The following SENP5 variants were observed in gnomAD, a reference collection of about 807,000 sequenced individuals.
SENP5 encodes sentrin-specific protease 5.
Under a neutral mutation model 74.2 loss-of-function variants are expected in SENP5, and 21 were observed. That is an observed-to-expected ratio of 0.28 (90% CI 0.20 to 0.41). SENP5 has a LOEUF of 0.41. SENP5 is among the 10% of genes least tolerant of loss of function. SENP5 has a pLI of 1.00. For missense variants in SENP5, 717 were observed against 889.1 expected (o/e 0.81, Z 2.46); for synonymous variants, 311 against 312.7 (o/e 0.99, Z 0.06).
At chr3:196,875,545 T>G (rs536566333) in intron 1 of SENP5, among the ~76,000 whole-genome samples, 17 of 152,328 alleles carry the variant, frequency 1.1e-4, no homozygotes, top group Non-Finnish European at 2.4e-4. Flanking sequence ...TAAGTGTTAC[T>G]GAAGTTCTTT....
Position 196,885,460 on chromosome 3 carries a change from C to A in SENP5, c.279C>A (p.Ser93=), listed in dbSNP as rs1389471541. 1 of 1,614,126 alleles carries A rather than the reference C, an allele frequency of 6.2e-7. No individual in the cohort carries two copies. Among genetic ancestry groups the A allele is most frequent in the South Asian group, 1.1e-5 (1 of 91,080 alleles). ...CTACTCAAAATGTTAGTACTTTGTCCTCTAAAGTGAAAAGAAAGGACGCTA... is the reference window on the plus strand; with the variant it reads ...CTACTCAAAATGTTAGTACTTTGTCATCTAAAGTGAAAAGAAAGGACGCTA... ...NVATQNVSTL[S]SKVKRKDAKH... The change falls in exon 2 of 10, where the codon TCC becomes TCA. Residue 93 remains serine (S), a synonymous_variant. Coordinates refer to ENST00000323460, the MANE Select transcript of SENP5 (RefSeq NM_152699.5).
At chr3:196,881,855 A>G (rs558682874) in intron 1 of SENP5, among the ~76,000 whole-genome samples, 7 of 147,810 alleles carry the variant, frequency 4.7e-5, no homozygotes, top group African/African-American at 1.0e-4. Context: ...TTTTTTTTCA[A>G]TGGATGTAAT....
Position 196,900,425 on chromosome 3 carries a change from T to G in SENP5, c.1806+13T>G, listed in dbSNP as rs1311286293. The stretch of plus-strand genomic sequence containing the variant: ...AGTCCCAGACAAAGTAAGTGAAAAC[T>G]TCCTCTTCTGCAGGAGAGAGTGTTC... On this transcript the variant is annotated intron_variant, in intron 5 of 9. Coordinates refer to ENST00000323460, the MANE Select transcript of SENP5 (RefSeq NM_152699.5). The G allele has an allele frequency of 5.6e-6, 9 of 1,600,436 alleles. No individual in the cohort carries two copies. The highest frequency in any genetic ancestry group is 2.3e-5 in the South Asian group (2 of 88,424).
chr3:196,928,067 C>T (rs1715882701), intron 8 of SENP5, among the ~76,000 whole-genome samples, 188 bp downstream of exon 8: 1 of 152,136 alleles, frequency 6.6e-6, no homozygotes, highest in Non-Finnish European at 1.5e-5. Context: ...CCAGTGCTTC[C>T]CGGGAGCAAA....
At chr3:196,915,782 C>T (rs1221897699) in intron 6 of SENP5, among the ~76,000 whole-genome samples, 1 of 152,192 alleles carries the variant, frequency 6.6e-6, no homozygotes, top group African/African-American at 2.4e-5. Context: ...TCCTCTCCAT[C>T]TTACCCAAGC....
chr3:196,928,856 A>T (rs536547656), intron 8 of SENP5, among the ~76,000 whole-genome samples: 6 of 152,222 alleles, frequency 3.9e-5, no homozygotes, highest in African/African-American at 1.4e-4. Flanking sequence ...GATCTTCTGT[A>T]TTACCGCTTT....
At chr3:196,897,900 G>C (rs1323102884) in intron 2 of SENP5, among the ~76,000 whole-genome samples, 1 of 151,982 alleles carries the variant, frequency 6.6e-6, no homozygotes, top group African/African-American at 2.4e-5. Context: ...GGCCAGGCGC[G>C]GTGGCTCACA....
At chr3:196,894,547 TA>T (rs1167578549) in intron 2 of SENP5, among the ~76,000 whole-genome samples, 1 of 151,730 alleles carries the variant, frequency 6.6e-6, no homozygotes, top group African/African-American at 2.4e-5. Flanking sequence ...TTTTTTTTTT[TA>T]AATTTATTCC....
intron 1 of SENP5, among the ~76,000 whole-genome samples, chr3:196,878,567 A>G (rs1017648569): frequency 1.3e-5 from 2 of 152,106 alleles, no homozygotes; most frequent in African/African-American, 4.8e-5. Context: ...TTGTTTTGGT[A>G]TAAACAACAT....
chr3:196,931,195 C>A lies in SENP5; in HGVS notation c.*272C>A, dbSNP rs1716026411. 3.4e-6 allele frequency: 1 copy of A among 295,634 alleles called. No homozygotes were observed. Among genetic ancestry groups the A allele is most frequent in the South Asian group, 6.9e-5 (1 of 14,392 alleles). The allele number at this position is 295,634 out of a possible 1,614,324, so 18.3% of individuals were successfully genotyped here. On this transcript the variant is annotated 3_prime_UTR_variant, in exon 10 of 10. Coordinates refer to ENST00000323460, the MANE Select transcript of SENP5 (RefSeq NM_152699.5). ...TTCAAACGCATGCATATAGACAGAGCATGCAGTGAAGAGTATTAAAAAAAA... is the reference window on the plus strand; with the variant it reads ...TTCAAACGCATGCATATAGACAGAGAATGCAGTGAAGAGTATTAAAAAAAA...
chr3:196,872,490 A>G (rs1713259683), intron 1 of SENP5, among the ~76,000 whole-genome samples: 1 of 152,112 alleles, frequency 6.6e-6, no homozygotes, highest in Non-Finnish European at 1.5e-5. Flanking sequence ...AGTATTCGTT[A>G]TGTAAACACT....
intron 1 of SENP5, among the ~76,000 whole-genome samples, chr3:196,880,346 G>C (rs1028365036): frequency 2.6e-5 from 4 of 152,152 alleles, no homozygotes; most frequent in African/African-American, 9.7e-5. Flanking sequence ...CTCCCACGTA[G>C]GTGGGTCTAC....
chr3:196,884,578 A>G (rs1342453404), intron 1 of SENP5, among the ~76,000 whole-genome samples: 2 of 152,092 alleles, frequency 1.3e-5, no homozygotes, highest in Non-Finnish European at 2.9e-5. Flanking sequence ...TTCTGTGTAT[A>G]AGTTTTCTCT....
Position 196,885,506 on chromosome 3 carries a change from A to G in SENP5, c.325A>G (p.Lys109Glu), listed in dbSNP as rs773628165. 5 of 1,614,012 alleles carry G rather than the reference A, an allele frequency of 3.1e-6. No individual in the cohort carries two copies. The highest frequency in any genetic ancestry group is 2.7e-5 in the African/African-American group (2 of 74,926). Residue 109 changes from lysine to glutamate, a missense_variant, in exon 2 of 10, where the codon AAG (lysine) becomes GAG (glutamate). Transcript: ENST00000323460. ...CGCTAAACACTTCATTTCCTCCTCA[A>G]AGACTCTCCTGAGACTCCAAGCAGA... Reference protein sequence around the residue: ...KDAKHFISSSKTLLRLQAEKL... With the variant: ...KDAKHFISSSETLLRLQAEKL...
In SENP5 at chr3:196,903,573, C is replaced by T; in HGVS notation, c.1847C>T (p.Thr616Ile). The T allele has an allele frequency of 1.2e-6, 2 of 1,608,480 alleles. No individual in the cohort carries two copies. Among genetic ancestry groups the T allele is most frequent in the Non-Finnish European group, 8.5e-7 (1 of 1,177,960 alleles). Residue 616 changes from threonine to isoleucine, a missense_variant, in exon 6 of 10, where the codon ACC (threonine) becomes ATC (isoleucine). Thr to Ile is a moderately conservative substitution (Grantham distance 89). This residue lies in a region of SENP5 where 85 missense variants were observed against 188.9 expected (regional missense o/e 0.45). Coordinates refer to ENST00000323460, the MANE Select transcript of SENP5 (RefSeq NM_152699.5). ...FNSFFHRQLV[T>I]KGYNGVKRWT... Reference sequence around the variant, plus strand: ...AGCTTTTTTCATAGACAGCTGGTAACCAAAGGATATAATGGAGTAAAAAGA... The same window carrying T: ...AGCTTTTTTCATAGACAGCTGGTAATCAAAGGATATAATGGAGTAAAAAGA...
intron 1 of SENP5, among the ~76,000 whole-genome samples, chr3:196,875,712 C>CT (rs1316681988): frequency 6.6e-6 from 1 of 152,066 alleles, no homozygotes; most frequent in Non-Finnish European, 1.5e-5. Context: ...CTGAATTTGA[C>CT]TTTTTTTAAT....
intron 6 of SENP5, among the ~76,000 whole-genome samples, chr3:196,912,360 G>A (rs1392010926): frequency 6.6e-6 from 1 of 152,164 alleles, no homozygotes; most frequent in Admixed American, 6.5e-5. Flanking sequence ...TCATAAGTGG[G>A]AGTTGTACAA....
Position 196,869,933 on chromosome 3 carries a change from C to T in SENP5, c.-32+1860C>T, listed in dbSNP as rs112179405. On this transcript the variant is annotated intron_variant, in intron 1 of 9. Coordinates refer to ENST00000323460, the MANE Select transcript of SENP5 (RefSeq NM_152699.5). The stretch of plus-strand genomic sequence containing the variant: ...TAACAATATTTTGCTTTTATTCTAG[C>T]TTGTCATAAACCCAGTGCTCTATAC... Among the ~76,000 whole-genome samples, 723 of 149,676 alleles carry T rather than the reference C, an allele frequency of 4.8e-3. 3 individuals are homozygous for T. Among genetic ancestry groups the T allele is most frequent in the African/African-American group, 0.017 (688 of 40,708 alleles).
chr3:196,915,963 CTG>C (rs1055934818), intron 6 of SENP5, among the ~76,000 whole-genome samples: 2 of 152,138 alleles, frequency 1.3e-5, no homozygotes, highest in African/African-American at 4.8e-5. Context: ...CAAGTCCAAA[CTG>C]TGAAGATAGA....
Sources: allele counts gnomAD v4.1 joint callset (sites outside exome capture counted in the v4.1 genomes callset), GRCh38; gene constraint gnomAD v4.1.1; regional missense constraint gnomAD v4.1.1; transcripts MANE v1.5; gene names NCBI Gene and HGNC (gene_info 2026-07-23, HGNC 2026-07-21).